ROBO1: variants seen among roughly 807,000 people sequenced by gnomAD.
ROBO1 encodes roundabout guidance receptor 1, also known as roundabout homolog 1.
In ROBO1, 149 loss-of-function variants were observed where a neutral mutation model predicts 195.9. The ratio of observed to expected loss-of-function variants is 0.76; its 90% CI spans 0.67 to 0.87. The LOEUF is 0.87. Among genes scored for constraint, ROBO1 ranks in the 40% least tolerant of loss-of-function variants. The pLI, the probability that ROBO1 is intolerant of heterozygous loss-of-function variation, is 0.00. For synonymous variants in ROBO1, 816 were observed against 733.2 expected, an observed-to-expected ratio of 1.11 and a Z score of -1.82; for missense variants, 1,933 against 2,068.3, an observed-to-expected ratio of 0.93 and a Z score of 1.27.
Position 79,491,594 on chromosome 3 carries a change from A to G in ROBO1, c.88+98230T>C, listed in dbSNP as rs115729432. Among the ~76,000 whole-genome samples the G allele has an allele frequency of 9.5e-3, 1,445 of 152,280 alleles. 18 individuals are homozygous for G. Among genetic ancestry groups the G allele is most frequent in the African/African-American group, 0.031 (1,300 of 41,562 alleles). On this transcript the variant is annotated intron_variant, in intron 2 of 30. Coordinates refer to ENST00000464233, the MANE Select transcript of ROBO1 (RefSeq NM_002941.4). ...TGAGAGCAAAGTTGAGAGATGCCAA[A>G]AATTTGATTAAACTGCTTATTCTTT...
chr3:79,253,143 T>C (rs977179013), intron 2 of ROBO1, among the ~76,000 whole-genome samples: 2 of 152,152 alleles, frequency 1.3e-5, no homozygotes, highest in Admixed American at 1.3e-4. Context: ...AAATCAATTA[T>C]TAGCAGTGTG....
At chr3:78,999,142 C>T (rs954308576) in intron 3 of ROBO1, among the ~76,000 whole-genome samples, 3 of 151,446 alleles carry the variant, frequency 2.0e-5, no homozygotes, top group Non-Finnish European at 2.9e-5. Flanking sequence ...GTGGAGATAC[C>T]GTAAAAAAAA....
intron 1 of ROBO1, among the ~76,000 whole-genome samples, chr3:79,720,860 T>C (rs1190539106): frequency 2.0e-5 from 3 of 151,272 alleles, no homozygotes; most frequent in Non-Finnish European, 4.4e-5. Flanking sequence ...TGGTGCGATC[T>C]CGGCTCACTG....
intron 2 of ROBO1, among the ~76,000 whole-genome samples, chr3:79,233,652 A>G (rs2082356692): frequency 6.6e-6 from 1 of 152,048 alleles, no homozygotes; most frequent in South Asian, 2.1e-4. Flanking sequence ...AAGCAAGGCA[A>G]CGGGAAGTCA....
chr3:79,749,706 A>C (rs1704045082), intron 1 of ROBO1, among the ~76,000 whole-genome samples: 1 of 152,222 alleles, frequency 6.6e-6, no homozygotes, highest in South Asian at 2.1e-4. Context: ...AGCAGCTTCC[A>C]TGTGGTGTTG....
intron 4 of ROBO1, among the ~76,000 whole-genome samples, chr3:78,843,606 T>C (rs1054287322): frequency 5.9e-5 from 9 of 152,008 alleles, no homozygotes; most frequent in South Asian, 4.1e-4. Context: ...TCGGAGAAAG[T>C]TTCCTTCAAT....
intron 3 of ROBO1, among the ~76,000 whole-genome samples, chr3:78,972,336 A>T (rs1320301905): frequency 6.6e-6 from 1 of 152,218 alleles, no homozygotes; most frequent in Non-Finnish European, 1.5e-5. Flanking sequence ...GGTCAACGCT[A>T]CATAGTATAA....
intron 2 of ROBO1, among the ~76,000 whole-genome samples, chr3:79,536,634 T>A (rs879860843): frequency 6.6e-6 from 1 of 152,090 alleles, no homozygotes; most frequent in African/African-American, 2.4e-5. Context: ...CAGTAAAAGT[T>A]TATATCTATA....
chr3:79,754,690 G>T (rs959091442), intron 1 of ROBO1, among the ~76,000 whole-genome samples: 3 of 152,146 alleles, frequency 2.0e-5, no homozygotes, highest in Non-Finnish European at 4.4e-5. Flanking sequence ...AAACAGGCAA[G>T]GCTTTTTAGT....
intron 29 of ROBO1, among the ~76,000 whole-genome samples, chr3:78,602,793 C>T (rs1465572871): frequency 6.6e-6 from 1 of 152,204 alleles, no homozygotes; most frequent in Non-Finnish European, 1.5e-5. Flanking sequence ...GTTCCTCAAA[C>T]TCAACCTGTT....
intron 3 of ROBO1, among the ~76,000 whole-genome samples, chr3:78,998,157 T>C (rs565010039): frequency 6.6e-6 from 1 of 152,296 alleles, no homozygotes; most frequent in African/African-American, 2.4e-5. Context: ...GCGACGTACT[T>C]ATCAAAGAGT....
chr3:79,287,208 A>G (rs1168615052), intron 2 of ROBO1, among the ~76,000 whole-genome samples: 1 of 152,140 alleles, frequency 6.6e-6, no homozygotes, highest in Non-Finnish European at 1.5e-5. Flanking sequence ...AAGTTTGGAA[A>G]TATTTTGGCT....
chr3:79,202,902 C>A (rs2081795059), intron 2 of ROBO1, among the ~76,000 whole-genome samples: 1 of 152,060 alleles, frequency 6.6e-6, no homozygotes, highest in African/African-American at 2.4e-5. Context: ...AATGAGTTCA[C>A]AATTTAATAG....
At chr3:79,223,799 C>T (rs565446446) in intron 2 of ROBO1, among the ~76,000 whole-genome samples, 2 of 152,280 alleles carry the variant, frequency 1.3e-5, no homozygotes, top group African/African-American at 4.8e-5. Context: ...CATCGCTGTA[C>T]TCTCCCTTAG....
At chr3:78,948,235 C>A (rs1050052351) in intron 3 of ROBO1, among the ~76,000 whole-genome samples, 3 of 152,128 alleles carry the variant, frequency 2.0e-5, no homozygotes, top group Admixed American at 6.6e-5. Context: ...AGACCAATAT[C>A]TTTGATGAAC....
At chr3:79,313,780 A>G (rs556617946) in intron 2 of ROBO1, among the ~76,000 whole-genome samples, 4 of 152,196 alleles carry the variant, frequency 2.6e-5, no homozygotes, top group Non-Finnish European at 5.9e-5. Context: ...AAGTTACTAC[A>G]CAGTTAAAGG....
In ROBO1 at chr3:79,724,762, A is replaced by G. The variant is rs992570973; in HGVS notation, c.-51+42990T>C. On this transcript the variant is annotated intron_variant, in intron 1 of 30. Transcript: ENST00000464233. ...CAAATCATGCCTGAATTCCTGACTC[A>G]CAGAAAGTGTGAGATAAATCAATGT... Among the ~76,000 whole-genome samples, 12 of 152,366 alleles carry G rather than the reference A, an allele frequency of 7.9e-5. No individual in the cohort carries two copies. The South Asian group carries it at 2.3e-3, about 29-fold the overall frequency.
chr3:78,691,756 T>G (rs2081180938), intron 8 of ROBO1, among the ~76,000 whole-genome samples: 1 of 152,156 alleles, frequency 6.6e-6, no homozygotes, highest in Non-Finnish European at 1.5e-5. Context: ...ACATTGAAAA[T>G]TAACATCTTT....
chr3:79,057,902 C>T (rs998324809), intron 3 of ROBO1, among the ~76,000 whole-genome samples: 4 of 152,040 alleles, frequency 2.6e-5, no homozygotes, highest in Non-Finnish European at 4.4e-5. Flanking sequence ...GAAGGCCCTG[C>T]ATTTAATGTT....
Sources: allele counts gnomAD v4.1 joint callset (sites outside exome capture counted in the v4.1 genomes callset), GRCh38; gene constraint gnomAD v4.1.1; transcripts MANE v1.5; gene names NCBI Gene and HGNC (gene_info 2026-07-23, HGNC 2026-07-21).